Variants in PLEKHH3 observed in about 807,000 individuals in gnomAD.
PLEKHH3 encodes pleckstrin homology, MyTH4 and FERM domain containing H3, also known as pleckstrin homology domain-containing family H member 3.
In PLEKHH3, 57 loss-of-function variants were observed where a neutral mutation model predicts 77.8. The observed-to-expected ratio is 0.73, with a 90% CI of 0.59 to 0.91. PLEKHH3 has a LOEUF of 0.91. Among genes scored for constraint, PLEKHH3 ranks in the 40% least tolerant of loss-of-function variants. The pLI is 0.00. For synonymous variants in PLEKHH3, 467 were observed against 504.8 expected, an observed-to-expected ratio of 0.93 and a Z score of 1.00; for missense variants, 1,082 against 1,091.2, an observed-to-expected ratio of 0.99 and a Z score of 0.12.
chr17:42,675,418 A>G (rs1300428271), intron 1 of PLEKHH3, among the ~76,000 whole-genome samples: 2 of 152,084 alleles, frequency 1.3e-5, no homozygotes, highest in Non-Finnish European at 2.9e-5. Flanking sequence ...ATTTTCTGGA[A>G]GGTCTGAGTG....
Position 42,673,990 on chromosome 17 carries a change from C to G in PLEKHH3, c.242G>C (p.Trp81Ser). Residue 81 changes from tryptophan to serine, a missense_variant, in exon 3 of 13, where the codon TGG becomes TCG. Trp to Ser is a radical substitution (Grantham distance 177). This residue lies in a region of PLEKHH3 where 344 missense variants were observed against 320.8 expected (regional missense o/e 1.07). Coordinates refer to ENST00000591022, the MANE Select transcript of PLEKHH3 (RefSeq NM_024927.5). ...SNRLQSWEET[W>S]SLIPEKGLPE... ...CAGCCCTTTCTCCGGGATGAGGCTC[C>G]AAGTCTCCTCCCAGCTCTGCAGCCT... 1 of 1,613,380 alleles carries G rather than the reference C, an allele frequency of 6.2e-7. No individual in the cohort carries two copies.
At chr17:42,673,360 T>C (rs748731677) in intron 5 of PLEKHH3, 39 bp downstream of exon 5, 1 of 1,609,690 alleles carries the variant, frequency 6.2e-7, no homozygotes, top group South Asian at 1.1e-5. Context: ...CCAGAAAGCT[T>C]TGGGGTCCAC....
chr17:42,673,822 C>G lies in PLEKHH3; in HGVS notation c.311G>C (p.Arg104Pro). 2 of 1,592,928 alleles carry G rather than the reference C, an allele frequency of 1.3e-6. No homozygotes were observed. The highest frequency in any genetic ancestry group is 1.7e-6 in the Non-Finnish European group (2 of 1,174,166). ...PDIVVKGWLYREPRGGGARPW... is the reference protein window; with the variant it reads ...PDIVVKGWLYPEPRGGGARPW... Reference sequence around the variant, plus strand: ...CCGCGCCCCTCCTCCGCGGGGCTCCCGGTACAGCCAACCTGGGGGCCGGAG... The same window carrying G: ...CCGCGCCCCTCCTCCGCGGGGCTCCGGGTACAGCCAACCTGGGGGCCGGAG... The change falls in exon 4 of 13, where the codon CGG becomes CCG. Residue 104 changes from arginine to proline, a missense_variant. Arg to Pro is a moderately radical substitution (Grantham distance 103, BLOSUM62 -2). Around this residue, in one of 3 missense-constraint regions of PLEKHH3, gnomAD observed 344 missense variants for 320.8 expected, o/e 1.07. Transcript: ENST00000591022.
At chr17:42,675,193 G>A (rs1416464012) in intron 1 of PLEKHH3, among the ~76,000 whole-genome samples, 2 of 152,168 alleles carry the variant, frequency 1.3e-5, no homozygotes, top group Admixed American at 1.3e-4. Context: ...AGGCCAGTCA[G>A]GCGGGAACCG....
At position 42,676,190 on chromosome 17, in the gene PLEKHH3, G is replaced by C; in HGVS notation, c.162+212C>G. 7.3e-7 allele frequency: 1 copy of C among 1,376,302 alleles called. No homozygotes were observed. Among genetic ancestry groups the C allele is most frequent in the Non-Finnish European group, 9.5e-7 (1 of 1,054,610 alleles). The allele number at this position is 1,376,302 out of a possible 1,614,324, so 85.3% of individuals were successfully genotyped here. On this transcript the variant is annotated intron_variant, in intron 1 of 12. Transcript: ENST00000591022. This position sits in a 1 kb window ranked among gnomAD's most constrained non-coding sequence, Gnocchi z 6.6. ...CCTCAGGGCCCCCAGCAGGTGGATAGCGCCCAGCCTGCAGCGGGAGGCCCA... is the reference window on the plus strand; with the variant it reads ...CCTCAGGGCCCCCAGCAGGTGGATACCGCCCAGCCTGCAGCGGGAGGCCCA...
chr17:42,669,362 T>G (rs946094610), intron 12 of PLEKHH3, 68 bp downstream of exon 12: 16 of 1,431,408 alleles, frequency 1.1e-5, no homozygotes, highest in Non-Finnish European at 1.4e-5. Context: ...CCAGGTTTGG[T>G]GTTCTGTAAA....
chr17:42,676,391 C>A lies in PLEKHH3; in HGVS notation c.162+11G>T. ...GTGATTGAGACGAGGCTCCGAACCC[C>A]CGGGACTTACCCTCCCGCCGCCCGC... On this transcript the variant is annotated intron_variant, in intron 1 of 12. Transcript: ENST00000591022. The surrounding 1 kb of genome is among the most constrained non-coding windows in gnomAD (Gnocchi z 6.6). 6.2e-7 allele frequency: 1 copy of A among 1,612,692 alleles called. No individual in the cohort carries two copies. Among genetic ancestry groups the A allele is most frequent in the Non-Finnish European group, 8.5e-7 (1 of 1,179,640 alleles).
chr17:42,671,180 T>A lies in PLEKHH3; in HGVS notation c.1285-50A>T. On this transcript the variant is annotated intron_variant, in intron 8 of 12. Transcript: ENST00000591022. The surrounding 1 kb of genome is among the most constrained non-coding windows in gnomAD (Gnocchi z 4.7). Reference sequence around the variant, plus strand: ...CCACTCAGAGGTCTTGCCAGGATTCTGGGAGGGGTTGATTCAATTGGAAGG... The same window carrying A: ...CCACTCAGAGGTCTTGCCAGGATTCAGGGAGGGGTTGATTCAATTGGAAGG... The A allele has an allele frequency of 6.5e-7, 1 of 1,534,078 alleles. No homozygotes were observed. Among genetic ancestry groups the A allele is most frequent in the Non-Finnish European group, 8.8e-7 (1 of 1,140,374 alleles).
At chr17:42,670,853 C>T in intron 9 of PLEKHH3, 141 bp downstream of exon 9, 1 of 1,522,066 alleles carries the variant, frequency 6.6e-7, no homozygotes, top group Non-Finnish European at 8.9e-7. Context: ...TGCAAACCTG[C>T]GGCGGGCAGG....
intron 1 of PLEKHH3, chr17:42,675,805 T>C: frequency 1.1e-6 from 1 of 911,934 alleles, no homozygotes; most frequent in Non-Finnish European, 1.3e-6. Flanking sequence ...TCACCATCCA[T>C]CCCCTCAGGG....
In PLEKHH3 at chr17:42,673,521, T is replaced by A. The variant is rs2052749482; in HGVS notation, c.526A>T (p.Ser176Cys). The change falls in exon 5 of 13, where the codon AGT becomes TGT. Residue 176 changes from serine to cysteine, a missense_variant. Coordinates refer to ENST00000591022, the MANE Select transcript of PLEKHH3 (RefSeq NM_024927.5). ...TGGCGTGGGGAGCAGAGGCGGACAC[T>A]GTGTTTCCGACCAGACACAGTCACT... ...WSVTVSGRKH[S>C]VRLCSPRQAE... is the part of the protein sequence containing the mutation. 1 of 1,601,202 alleles carries A rather than the reference T, an allele frequency of 6.2e-7. No individual in the cohort carries two copies. The highest frequency in any genetic ancestry group is 1.7e-5 in the Admixed American group (1 of 58,708).
In PLEKHH3 at chr17:42,669,471, A is replaced by G; in HGVS notation, c.2164T>C (p.Leu722=). The G allele has an allele frequency of 6.3e-7, 1 of 1,586,614 alleles. No individual in the cohort carries two copies. The highest frequency in any genetic ancestry group is 8.6e-7 in the Non-Finnish European group (1 of 1,161,936). ...CQLMGPHTLA[L]RVGESQLLLQ... ...AGGAGCTGGCTCTCTCCCACCCTCA[A>G]GGCCAGGGTGTGGGGGCCCATTAGC... The change falls in exon 12 of 13, where the codon TTG becomes CTG. Residue 722 remains leucine, a synonymous_variant. Coordinates refer to ENST00000591022, the MANE Select transcript of PLEKHH3 (RefSeq NM_024927.5).
intron 12 of PLEKHH3, 47 bp from the exon 13 acceptor site, chr17:42,668,350 CTTCT>C (rs1205944885): frequency 6.9e-7 from 1 of 1,448,118 alleles, no homozygotes; most frequent in Middle Eastern, 1.8e-4. Context: ...GCCAGGTTCT[CTTCT>C]TTTTCTCATC....
chr17:42,676,141 G>C lies in PLEKHH3; in HGVS notation c.162+261C>G, dbSNP rs2052821300. 11 of 1,342,308 alleles carry C rather than the reference G, an allele frequency of 8.2e-6. No homozygotes were observed. Among genetic ancestry groups the C allele is most frequent in the East Asian group, 3.1e-5 (1 of 32,298 alleles). The allele number at this position is 1,342,308 out of a possible 1,614,324, so 83.1% of individuals were successfully genotyped here. ...GGGAAGGGAGAGGCAGGGCCAGGTC[G>C]GGCCACGCGTGACGCCTCCCCTGCC... On this transcript the variant is annotated intron_variant, in intron 1 of 12. Transcript: ENST00000591022. This position sits in a 1 kb window ranked among gnomAD's most constrained non-coding sequence, Gnocchi z 6.6.
rs2052738817 is a variant in PLEKHH3, at chr17:42,673,168, C to CG, written c.769+7_769+8insC. ...CATCCAGGGGACTTGGGCCATGGGACCACTCACCTGGGGCGCTGACTCCAT... is the reference window on the plus strand; with the variant it reads ...CATCCAGGGGACTTGGGCCATGGGACGCACTCACCTGGGGCGCTGACTCCAT... On this transcript the variant is annotated splice_region_variant and intron_variant, in intron 6 of 12. Coordinates refer to ENST00000591022, the MANE Select transcript of PLEKHH3 (RefSeq NM_024927.5). The CG allele has an allele frequency of 2.6e-6, 4 of 1,509,904 alleles. No homozygotes were observed. The African/African-American group carries it at 4.2e-5, about 16-fold the overall frequency. The allele number at this position is 1,509,904 out of a possible 1,614,324, so 93.5% of individuals were successfully genotyped here.
chr17:42,674,270 C>A, intron 2 of PLEKHH3, 84 bp downstream of exon 2: 1 of 1,452,552 alleles, frequency 6.9e-7, no homozygotes, highest in South Asian at 1.4e-5. Flanking sequence ...CCTTATTGCA[C>A]AACCGCTAGG....
chr17:42,670,941 C>T (rs1027000350), intron 9 of PLEKHH3, 53 bp downstream of exon 9: 2 of 1,586,130 alleles, frequency 1.3e-6, no homozygotes, highest in Non-Finnish European at 1.7e-6. Context: ...AGACTGACCT[C>T]AGCTGAGAAG....
rs771045033 is a variant in PLEKHH3, at chr17:42,676,407, C to G, written c.157G>C (p.Gly53Arg). Residue 53 changes from glycine to arginine, a missense_variant, in exon 1 of 13, where the codon GGG becomes CGG. Gly to Arg is a moderately radical substitution (Grantham distance 125, BLOSUM62 -2). This residue lies in a region of PLEKHH3 where 344 missense variants were observed against 320.8 expected (regional missense o/e 1.07). Transcript: ENST00000591022. This position sits in a 1 kb window ranked among gnomAD's most constrained non-coding sequence, Gnocchi z 6.6. ...ELRTPSPAGG[G>R]RGPLEVTLTQ... ...TCCGAACCCCCGGGACTTACCCTCCCGCCGCCCGCTGGACTCGGGGTCCGC... is the reference window on the plus strand; with the variant it reads ...TCCGAACCCCCGGGACTTACCCTCCGGCCGCCCGCTGGACTCGGGGTCCGC... The G allele has an allele frequency of 6.2e-7, 1 of 1,613,184 alleles. No individual in the cohort carries two copies. Among genetic ancestry groups the G allele is most frequent in the South Asian group, 1.1e-5 (1 of 91,068 alleles).
Position 42,676,442 on chromosome 17 carries a change from G to T in PLEKHH3, c.122C>A (p.Thr41Asn), listed in dbSNP as rs1432925266. ...GDGDEDEDEE[T>N]FELRTPSPAG... ...TGGACTCGGGGTCCGCAGCTCAAAG[G>T]TTTCCTCGTCCTCGTCCTCGTCCCC... Residue 41 changes from threonine (T) to asparagine (N), a missense_variant, in exon 1 of 13, where the codon ACC (threonine) becomes AAC (asparagine). Around this residue, in one of 3 missense-constraint regions of PLEKHH3, gnomAD observed 344 missense variants for 320.8 expected, o/e 1.07. Coordinates refer to ENST00000591022, the MANE Select transcript of PLEKHH3 (RefSeq NM_024927.5). The surrounding 1 kb of genome is among the most constrained non-coding windows in gnomAD (Gnocchi z 6.6). 8 of 1,613,222 alleles carry T rather than the reference G, an allele frequency of 5.0e-6. No homozygotes were observed. Among genetic ancestry groups the T allele is most frequent in the Admixed American group, 1.7e-5 (1 of 59,964 alleles).
Sources: allele counts gnomAD v4.1 joint callset (sites outside exome capture counted in the v4.1 genomes callset), GRCh38; gene constraint gnomAD v4.1.1; regional missense constraint gnomAD v4.1.1; non-coding constraint Gnocchi (gnomAD v3.1); transcripts MANE v1.5; gene names NCBI Gene and HGNC (gene_info 2026-07-23, HGNC 2026-07-21).